The following TASP1 variants were observed in gnomAD, a reference collection of about 807,000 sequenced individuals.
TASP1 encodes taspase 1, also known as threonine aspartase 1.
A neutral mutation model predicts 56.6 loss-of-function variants in TASP1; 16 were observed. The observed-to-expected ratio is 0.28, with a 90% CI of 0.19 to 0.43. The LOEUF (loss-of-function observed/expected upper bound fraction) is 0.43, where lower values mean the gene tolerates loss of function less well. Ranked by LOEUF, TASP1 falls within the 20% of genes least tolerant of loss-of-function variation. The pLI is 1.00. For missense variants in TASP1, 393 were observed against 511.6 expected (o/e 0.77, Z 2.24); for synonymous variants, 179 against 184.2 (o/e 0.97, Z 0.23).
At chr20:13,111,078 A>T in the TASP1 span, among the ~76,000 whole-genome samples, 1 of 152,138 alleles carries the variant, frequency 6.6e-6, no homozygotes, top group Admixed American at 6.5e-5. Flanking sequence ...AGAAAAAAAA[A>T]GTGAATTCTC....
chr20:13,319,213 TA>T, the TASP1 span, among the ~76,000 whole-genome samples: 1 of 151,884 alleles, frequency 6.6e-6, no homozygotes, highest in Admixed American at 6.6e-5. Flanking sequence ...AAGTGACTAT[TA>T]GGTAGAAGAA....
At chr20:13,484,120 C>T (rs2043237967) in intron 10 of TASP1, among the ~76,000 whole-genome samples, 1 of 152,114 alleles carries the variant, frequency 6.6e-6, no homozygotes, top group South Asian at 2.1e-4. Flanking sequence ...CCATCTCACA[C>T]CAGATAGAAA....
the TASP1 span, among the ~76,000 whole-genome samples, chr20:13,235,494 T>A: frequency 1.3e-5 from 2 of 152,138 alleles, no homozygotes; most frequent in Non-Finnish European, 2.9e-5. Context: ...CAGGGCTGTG[T>A]TGAGAAGCTG....
the TASP1 span, among the ~76,000 whole-genome samples, chr20:13,142,725 C>T: frequency 2.6e-5 from 4 of 152,152 alleles, no homozygotes; most frequent in African/African-American, 9.7e-5. Context: ...GCTCAGGCAC[C>T]TCCTCCAAGC....
the TASP1 span, among the ~76,000 whole-genome samples, chr20:13,173,975 G>C: frequency 1.3e-5 from 2 of 152,128 alleles, no homozygotes; most frequent in African/African-American, 4.8e-5. Context: ...GAATTTTGTA[G>C]CTTGTTCAAA....
At chr20:13,360,499 G>T in the TASP1 span, among the ~76,000 whole-genome samples, 1 of 149,918 alleles carries the variant, frequency 6.7e-6, no homozygotes, top group Admixed American at 6.6e-5. Context: ...TGGTTAGCGC[G>T]GTCAGAATTC....
chr20:13,334,940 A>C, the TASP1 span, among the ~76,000 whole-genome samples: 310 of 152,380 alleles, frequency 2.0e-3, no homozygotes, highest in Non-Finnish European at 3.0e-3. Flanking sequence ...CCTTGGCAGA[A>C]TAAAGCAAAG....
chr20:13,432,878 G>GTGTA (rs1296388006), intron 12 of TASP1, among the ~76,000 whole-genome samples: 1 of 152,124 alleles, frequency 6.6e-6, no homozygotes, highest in Non-Finnish European at 1.5e-5. Flanking sequence ...GCAAAGTACT[G>GTGTA]TGATACTCCT....
intron 1 of TASP1, among the ~76,000 whole-genome samples, chr20:13,630,560 C>T (rs2049045176): frequency 6.6e-6 from 1 of 151,604 alleles, no homozygotes. Flanking sequence ...TGTGGTGGCA[C>T]ACACCTGTAA....
the TASP1 span, among the ~76,000 whole-genome samples, chr20:13,247,321 C>A: frequency 6.6e-6 from 1 of 150,502 alleles, no homozygotes; most frequent in South Asian, 2.1e-4. Context: ...TTTCAACTTA[C>A]CAAAAACACA....
At chr20:13,610,147 G>T (rs534345726) in intron 4 of TASP1, among the ~76,000 whole-genome samples, 1 of 152,262 alleles carries the variant, frequency 6.6e-6, no homozygotes, top group African/African-American at 2.4e-5. Flanking sequence ...ATGAGTATGA[G>T]GTTTCCTTTG....
At chr20:13,180,026 C>G in the TASP1 span, among the ~76,000 whole-genome samples, 3 of 152,144 alleles carry the variant, frequency 2.0e-5, no homozygotes, top group South Asian at 4.1e-4. Flanking sequence ...GAAGTCATCA[C>G]TCATCCAGAC....
intron 12 of TASP1, among the ~76,000 whole-genome samples, chr20:13,427,264 T>A (rs2042649571): frequency 1.3e-5 from 2 of 152,238 alleles, no homozygotes; most frequent in African/African-American, 4.8e-5. Flanking sequence ...CCAGGAAGCA[T>A]CAATTCAATT....
chr20:13,555,345 C>T (rs1258546057), intron 8 of TASP1, among the ~76,000 whole-genome samples: 10 of 134,724 alleles, frequency 7.4e-5, no homozygotes, highest in Non-Finnish European at 1.1e-4. Context: ...GATCGTGCCA[C>T]TGCACTCCAG....
At chr20:13,151,299 A>G in the TASP1 span, among the ~76,000 whole-genome samples, 2 of 152,148 alleles carry the variant, frequency 1.3e-5, no homozygotes, top group Non-Finnish European at 2.9e-5. Context: ...TGGTTTGTTT[A>G]ATTTATATTT....
At chr20:13,405,618 C>T (rs917852352) in intron 13 of TASP1, among the ~76,000 whole-genome samples, 2 of 152,112 alleles carry the variant, frequency 1.3e-5, no homozygotes, top group Non-Finnish European at 2.9e-5. Flanking sequence ...GTGATCTCGG[C>T]TCACTGCAAC....
chr20:13,414,688 G>A (rs866221689), intron 13 of TASP1, among the ~76,000 whole-genome samples: 2 of 151,922 alleles, frequency 1.3e-5, no homozygotes, highest in Non-Finnish European at 2.9e-5. Flanking sequence ...GGTAGGATAC[G>A]GACAATCTGT....
At chr20:13,225,196 T>A in the TASP1 span, among the ~76,000 whole-genome samples, 2 of 152,060 alleles carry the variant, frequency 1.3e-5, no homozygotes, top group Non-Finnish European at 2.9e-5. Context: ...GGGAATTAGG[T>A]GCTATCATTA....
chr20:13,247,517 G>GGGGTGTGTGTGTGT, the TASP1 span, among the ~76,000 whole-genome samples: 10 of 139,912 alleles, frequency 7.1e-5, 1 homozygote, highest in African/African-American at 2.7e-4. Context: ...CAAAGTGAGG[G>GGGGTGTGTGTGTGT]GTGTGTGTGT....
Sources: gnomAD v4.1 joint callset for allele counts (sites outside exome capture counted in the v4.1 genomes callset) on GRCh38, gnomAD v4.1.1 for gene constraint, MANE v1.5 for transcripts, NCBI Gene and HGNC (gene_info 2026-07-23, HGNC 2026-07-21) for gene names.